The following WDR72 variants were observed in gnomAD, a reference collection of about 807,000 sequenced individuals.
WDR72 encodes WD repeat domain 72, also known as WD repeat-containing protein 72.
WDR72 carries 120 observed loss-of-function variants against 124.2 expected under a neutral mutation model. The ratio of observed to expected loss-of-function variants is 0.97; its 90% CI spans 0.83 to 1.12. The LOEUF is 1.12. Ranked by LOEUF, WDR72 falls within the 50% of genes most tolerant of loss-of-function variation. The pLI, the probability that WDR72 is intolerant of heterozygous loss-of-function variation, is 0.00. For missense variants in WDR72, 1,387 were observed against 1,278.8 expected, an observed-to-expected ratio of 1.08 and a Z score of -1.29; for synonymous variants, 452 against 441.7, an observed-to-expected ratio of 1.02 and a Z score of -0.29.
At chr15:53,657,301 A>T (rs1435887402) in intron 14 of WDR72, among the ~76,000 whole-genome samples, 2 of 151,236 alleles carry the variant, frequency 1.3e-5, no homozygotes, top group Non-Finnish European at 2.9e-5. Flanking sequence ...AAAGAAGGAA[A>T]AAAGAAATAA....
chr15:53,516,795 G>A lies in WDR72; in HGVS notation c.*904C>T, dbSNP rs1891486022. On this transcript the variant is annotated 3_prime_UTR_variant, in exon 20 of 20. Transcript: ENST00000360509. The stretch of plus-strand genomic sequence containing the variant: ...ATGATTTTCTGTAAATCGAGGAACT[G>A]TACAATATAAATCATAGTAAATAGA... The A allele has an allele frequency of 6.6e-6, 1 of 152,062 alleles. No individual in the cohort carries two copies. The highest frequency in any genetic ancestry group is 1.5e-5 in the Non-Finnish European group (1 of 67,976). 9.4% of individuals were successfully genotyped at this position (152,062 alleles called of 1,614,324 possible). A position where few individuals can be genotyped will look rare whatever the true frequency, so the allele number is the denominator to read the frequency against.
At chr15:53,530,114 T>C (rs1358097761) in intron 18 of WDR72, among the ~76,000 whole-genome samples, 1 of 151,690 alleles carries the variant, frequency 6.6e-6, no homozygotes, top group Non-Finnish European at 1.5e-5. Flanking sequence ...GAAATTTCAA[T>C]AATTTCCATG....
At chr15:53,712,628 G>A in intron 7 of WDR72, 144 bp downstream of exon 7, 1 of 873,118 alleles carries the variant, frequency 1.1e-6, no homozygotes, top group Non-Finnish European at 1.7e-6. Flanking sequence ...TGTTACGTCA[G>A]TCATAAAAGA....
intron 1 of WDR72, among the ~76,000 whole-genome samples, chr15:53,748,362 A>G (rs1267847768): frequency 6.6e-6 from 1 of 152,230 alleles, no homozygotes; most frequent in African/African-American, 2.4e-5. Flanking sequence ...AACTTAGGTA[A>G]GAAGAAATTA....
Position 53,639,410 on chromosome 15 carries a change from C to T in WDR72, c.1963-23167G>A, listed in dbSNP as rs150234210. On this transcript the variant is annotated intron_variant, in intron 14 of 19. Transcript: ENST00000360509. ...TTCTGGGAGGCTGAGTGCAAGAGTT[C>T]GAGACCAGCCTGGGCAACATAGCAA... 9.3e-3 allele frequency among the ~76,000 whole-genome samples: 1,395 copies of T among 149,654 alleles called. 30 individuals are homozygous for T. Among genetic ancestry groups the T allele is most frequent in the African/African-American group, 0.033 (1,341 of 40,748 alleles).
At chr15:53,567,218 T>A (rs1894333595) in intron 18 of WDR72, among the ~76,000 whole-genome samples, 1 of 152,018 alleles carries the variant, frequency 6.6e-6, no homozygotes. Context: ...TCCCTGTAAA[T>A]CCTTCCAGGA....
chr15:53,758,875 T>C (rs990687598), intron 1 of WDR72, among the ~76,000 whole-genome samples: 20 of 149,908 alleles, frequency 1.3e-4, no homozygotes, highest in African/African-American at 4.9e-4. Flanking sequence ...AAAAATGCTA[T>C]AATAAGTGGG....
chr15:53,714,359 T>C, intron 6 of WDR72, 75 bp downstream of exon 6: 1 of 1,179,974 alleles, frequency 8.5e-7, no homozygotes, highest in Non-Finnish European at 1.3e-6. Flanking sequence ...AAACATGTAA[T>C]AGCCTTAAAA....
At chr15:53,630,226 C>T (rs1566993159) in intron 14 of WDR72, among the ~76,000 whole-genome samples, 3 of 152,148 alleles carry the variant, frequency 2.0e-5, no homozygotes, top group African/African-American at 7.2e-5. Flanking sequence ...AAACATCCTT[C>T]TATATAGAAA....
In WDR72 at chr15:53,523,340, G is replaced by C. The variant is rs1566940573; in HGVS notation, c.3149-18C>G. The C allele has an allele frequency of 3.7e-6, 6 of 1,608,656 alleles. No homozygotes were observed. The highest frequency in any genetic ancestry group is 8.5e-7 in the Non-Finnish European group (1 of 1,177,190). On this transcript the variant is annotated intron_variant, in intron 18 of 19. Transcript: ENST00000360509. Reference sequence around the variant, plus strand: ...GACTGGAGCTATTAAAAGAGAGAGAGAGAGAGAGAGAGACAGAAGAGAGAG... The same window carrying C: ...GACTGGAGCTATTAAAAGAGAGAGACAGAGAGAGAGAGACAGAAGAGAGAG...
At chr15:53,621,458 T>TATATATATATATATATCA (rs397944441) in intron 14 of WDR72, among the ~76,000 whole-genome samples, 2 of 145,032 alleles carry the variant, frequency 1.4e-5, no homozygotes, top group African/African-American at 5.2e-5. Flanking sequence ...TATATATATA[T>TATATATATATATATATCA]GATAGAGTAC....
At chr15:53,659,358 G>C (rs2015533881) in intron 14 of WDR72, among the ~76,000 whole-genome samples, 1 of 152,180 alleles carries the variant, frequency 6.6e-6, no homozygotes, top group Non-Finnish European at 1.5e-5. Flanking sequence ...ACCGGCACGT[G>C]CTGCACAAAG....
intron 14 of WDR72, among the ~76,000 whole-genome samples, chr15:53,662,772 T>A (rs1408107530): frequency 6.6e-6 from 1 of 152,020 alleles, no homozygotes; most frequent in Non-Finnish European, 1.5e-5. Flanking sequence ...AAGACTAAGA[T>A]AAAGCAACCT....
chr15:53,620,252 C>CAT (rs889950369), intron 14 of WDR72, among the ~76,000 whole-genome samples: 6 of 151,558 alleles, frequency 4.0e-5, no homozygotes, highest in African/African-American at 9.7e-5. Context: ...TATATTATGG[C>CAT]ATATATATAT....
At chr15:53,662,985 C>T (rs1023511820) in intron 14 of WDR72, among the ~76,000 whole-genome samples, 37 of 151,848 alleles carry the variant, frequency 2.4e-4, no homozygotes, top group African/African-American at 8.9e-4. Flanking sequence ...GAGAGAACTG[C>T]TTGGGCCCAG....
intron 18 of WDR72, 24 bp from the exon 19 acceptor site, chr15:53,523,346 G>C: frequency 2.5e-6 from 4 of 1,607,378 alleles, no homozygotes; most frequent in East Asian, 2.2e-5. Flanking sequence ...GAGAGAGAGA[G>C]AGAGAGACAG....
intron 14 of WDR72, among the ~76,000 whole-genome samples, chr15:53,654,988 T>C (rs1015539655): frequency 1.3e-5 from 2 of 152,096 alleles, no homozygotes; most frequent in Non-Finnish European, 2.9e-5. Context: ...CCCAGCATTT[T>C]GGGAGGCCGA....
chr15:53,610,880 C>A (rs1193060158), intron 16 of WDR72, among the ~76,000 whole-genome samples: 3 of 152,032 alleles, frequency 2.0e-5, no homozygotes, highest in Admixed American at 6.6e-5. Context: ...ACTTTGTGGA[C>A]CTTGTGACTC....
chr15:53,719,302 C>T (rs2017805838), intron 3 of WDR72, among the ~76,000 whole-genome samples: 1 of 152,066 alleles, frequency 6.6e-6, no homozygotes, highest in Admixed American at 6.5e-5. Flanking sequence ...GCCTCCTCTT[C>T]TTCCTCTGTC....
Sources: allele counts gnomAD v4.1 joint callset (sites outside exome capture counted in the v4.1 genomes callset), GRCh38; gene constraint gnomAD v4.1.1; transcripts MANE v1.5; gene names NCBI Gene and HGNC (gene_info 2026-07-23, HGNC 2026-07-21).